Variants in SLCO1C1 observed in about 807,000 individuals in gnomAD.
SLCO1C1 encodes solute carrier organic anion transporter family member 1C1, also known as OAT-RP-5.
A neutral mutation model predicts 76.4 loss-of-function variants in SLCO1C1; 70 were observed. The ratio of observed to expected loss-of-function variants is 0.92; its 90% CI spans 0.76 to 1.12. The LOEUF is 1.12. SLCO1C1 is among the 50% of genes most tolerant of loss of function. SLCO1C1 has a pLI of 0.00. For synonymous variants in SLCO1C1, 306 were observed against 286.1 expected, an observed-to-expected ratio of 1.07 and a Z score of -0.70; for missense variants, 912 against 823.8, an observed-to-expected ratio of 1.11 and a Z score of -1.31.
chr12:20,740,199 A>C lies in SLCO1C1; in HGVS notation c.1564A>C (p.Thr522Pro), dbSNP rs1014584683. 3 of 1,611,390 alleles carry C rather than the reference A, an allele frequency of 1.9e-6. No individual in the cohort carries two copies. The highest frequency in any genetic ancestry group is 2.7e-5 in the African/African-American group (2 of 74,772). Residue 522 changes from threonine to proline, a missense_variant, in exon 12 of 15, where the codon ACT becomes CCT. Coordinates refer to ENST00000266509, the MANE Select transcript of SLCO1C1 (RefSeq NM_017435.5). ...CGTGTTACAGATATTTTACAACTGC[A>C]CTTGTGTGGGAATTGCAGCTTCTAA... is the stretch of plus-strand genomic sequence containing the variant. ...SGKNIIFYNC[T>P]CVGIAASKSG...
chr12:20,731,768 C>T (rs1467162049), intron 9 of SLCO1C1, among the ~76,000 whole-genome samples: 9 of 152,206 alleles, frequency 5.9e-5, no homozygotes, highest in Non-Finnish European at 7.4e-5. Flanking sequence ...CAAAGTGCCT[C>T]TTTTCCCAAG....
chr12:20,741,973 A>G (rs1047991450), intron 12 of SLCO1C1, among the ~76,000 whole-genome samples: 2 of 152,208 alleles, frequency 1.3e-5, no homozygotes, highest in Non-Finnish European at 2.9e-5. Context: ...TATTGTACAC[A>G]TTTTTAATTT....
intron 6 of SLCO1C1, among the ~76,000 whole-genome samples, chr12:20,716,077 A>G (rs1367731431): frequency 6.6e-6 from 1 of 152,190 alleles, no homozygotes; most frequent in Non-Finnish European, 1.5e-5. Flanking sequence ...ACGTTCAGGG[A>G]CAGAAAGGCA....
At position 20,711,519 on chromosome 12, in the gene SLCO1C1, A is replaced by G; in HGVS notation, c.529+9A>G. On this transcript the variant is annotated intron_variant, in intron 5 of 14. Transcript: ENST00000266509. Reference sequence around the variant, plus strand: ...ATCCAAAATAAGTAACGGTAAGATCATTTTTTTGACTTGACTAAACAAGCT... The same window carrying G: ...ATCCAAAATAAGTAACGGTAAGATCGTTTTTTTGACTTGACTAAACAAGCT... 1 of 1,611,882 alleles carries G rather than the reference A, an allele frequency of 6.2e-7. No individual in the cohort carries two copies. Among genetic ancestry groups the G allele is most frequent in the South Asian group, 1.1e-5 (1 of 90,632 alleles).
intron 9 of SLCO1C1, among the ~76,000 whole-genome samples, chr12:20,726,088 C>G (rs912149086): frequency 6.6e-6 from 1 of 151,810 alleles, no homozygotes; most frequent in East Asian, 1.9e-4. Flanking sequence ...ATCCTCTCAC[C>G]CTTACTTTGA....
At chr12:20,707,162 G>A (rs1431421044) in intron 4 of SLCO1C1, among the ~76,000 whole-genome samples, 2 of 152,108 alleles carry the variant, frequency 1.3e-5, no homozygotes, top group Non-Finnish European at 2.9e-5. Flanking sequence ...CTTGGAGGGA[G>A]TTCTGTGGTT....
chr12:20,722,651 T>A (rs2120757621), intron 8 of SLCO1C1, among the ~76,000 whole-genome samples: 1 of 152,322 alleles, frequency 6.6e-6, no homozygotes, highest in East Asian at 1.9e-4. Flanking sequence ...CTAAAATTCA[T>A]ATATTAAATG....
At chr12:20,741,110 A>G (rs972207932) in intron 12 of SLCO1C1, among the ~76,000 whole-genome samples, 3 of 151,916 alleles carry the variant, frequency 2.0e-5, no homozygotes, top group East Asian at 2.0e-4. Context: ...AAGAGGGAAG[A>G]GCCTCTTATA....
intron 3 of SLCO1C1, among the ~76,000 whole-genome samples, chr12:20,703,418 TTGA>T (rs71939085): frequency 0.66 from 100,403 of 151,206 alleles, 33,727 homozygotes; most frequent in East Asian, 0.81. Context: ...GTTGTTGTTG[TTGA>T]TATTACCTTA....
intron 14 of SLCO1C1, among the ~76,000 whole-genome samples, chr12:20,751,927 CAT>C (rs1224026414): frequency 1.3e-5 from 2 of 152,106 alleles, no homozygotes; most frequent in African/African-American, 4.8e-5. Flanking sequence ...AGGGTAGCCA[CAT>C]AATTTATCAT....
chr12:20,706,866 T>TA (rs1946804845), intron 4 of SLCO1C1, among the ~76,000 whole-genome samples: 1 of 152,164 alleles, frequency 6.6e-6, no homozygotes, highest in Non-Finnish European at 1.5e-5. Flanking sequence ...CTATTGCTGA[T>TA]AAAAGAAATG....
intron 12 of SLCO1C1, among the ~76,000 whole-genome samples, chr12:20,741,395 G>T (rs532290979): frequency 6.6e-6 from 1 of 152,196 alleles, no homozygotes; most frequent in South Asian, 2.1e-4. Flanking sequence ...AGTTTAAATA[G>T]TAACTGAATA....
At chr12:20,712,520 C>G (rs1304457919) in intron 5 of SLCO1C1, among the ~76,000 whole-genome samples, 1 of 152,102 alleles carries the variant, frequency 6.6e-6, no homozygotes, top group Non-Finnish European at 1.5e-5. Flanking sequence ...CCTTCAGCTT[C>G]CCTTCAGCAT....
chr12:20,699,562 AG>A lies in SLCO1C1; in HGVS notation c.-13del. On this transcript the variant is annotated 5_prime_UTR_variant, in exon 2 of 15. Transcript: ENST00000266509. Reference sequence around the variant, plus strand: ...AACTAACTTTGACAGATCAGAGTCAAGGAATGTGTTTATAATGGACACTTCA... The same window carrying A: ...AACTAACTTTGACAGATCAGAGTCAAGAATGTGTTTATAATGGACACTTCA... 6.3e-7 allele frequency: 1 copy of A among 1,598,356 alleles called. No individual in the cohort carries two copies. Among genetic ancestry groups the A allele is most frequent in the Non-Finnish European group, 8.5e-7 (1 of 1,174,728 alleles).
chr12:20,704,748 T>G (rs1180298738), intron 3 of SLCO1C1, among the ~76,000 whole-genome samples: 1 of 151,826 alleles, frequency 6.6e-6, no homozygotes, highest in African/African-American at 2.4e-5. Context: ...GAAACATGCT[T>G]TGCTCAAAAA....
chr12:20,717,648 CTTTTTTTTTTTTTTTTTTTTTTTTTT>C (rs534946900), intron 7 of SLCO1C1, among the ~76,000 whole-genome samples: 2,234 of 42,576 alleles, frequency 0.052, 110 homozygotes, highest in Admixed American at 0.15. Context: ...AACAGCCCTT[CTTTTTTTTTTTTTTTTTTTTTTTTTT>C]TTTTTTTTTT....
chr12:20,716,538 T>C (rs1287696850), intron 6 of SLCO1C1, among the ~76,000 whole-genome samples: 2 of 152,228 alleles, frequency 1.3e-5, no homozygotes. Flanking sequence ...AGAAATGGTG[T>C]CCTTTAGGCC....
At chr12:20,739,745 T>C (rs1205580197) in intron 11 of SLCO1C1, among the ~76,000 whole-genome samples, 1 of 152,006 alleles carries the variant, frequency 6.6e-6, no homozygotes, top group African/African-American at 2.4e-5. Context: ...CACTGGCAGG[T>C]TGAGGGTAGT....
At chr12:20,705,575 A>T (rs1220578412) in intron 3 of SLCO1C1, among the ~76,000 whole-genome samples, 1 of 151,938 alleles carries the variant, frequency 6.6e-6, no homozygotes, top group Non-Finnish European at 1.5e-5. Context: ...AAGTTTTCAC[A>T]TAAATTTTAA....
Sources: allele counts gnomAD v4.1 joint callset (sites outside exome capture counted in the v4.1 genomes callset), GRCh38; gene constraint gnomAD v4.1.1; transcripts MANE v1.5; gene names NCBI Gene and HGNC (gene_info 2026-07-23, HGNC 2026-07-21).